The following FAM149B1 variants were observed in gnomAD, a reference collection of about 807,000 sequenced individuals.
The protein encoded by FAM149B1 is family with sequence similarity 149 member B1.
Under a neutral mutation model 75.3 loss-of-function variants are expected in FAM149B1, and 56 were observed. That is an observed-to-expected ratio of 0.74 (90% CI 0.60 to 0.93). The LOEUF (loss-of-function observed/expected upper bound fraction) is 0.93. Ranked by LOEUF, FAM149B1 falls within the 40% of genes least tolerant of loss-of-function variation. The pLI is 0.00. For missense variants in FAM149B1, 639 were observed against 708.4 expected (o/e 0.90, Z 1.11); for synonymous variants, 259 against 256.1 (o/e 1.01, Z -0.11).
intron 5 of FAM149B1, among the ~76,000 whole-genome samples, chr10:73,202,826 G>T (rs2042971564): frequency 6.6e-6 from 1 of 151,996 alleles, no homozygotes; most frequent in African/African-American, 2.4e-5. Flanking sequence ...GAGTAGCTGG[G>T]ACTACTGGTG....
chr10:73,176,673 C>G (rs2133302034), intron 2 of FAM149B1, among the ~76,000 whole-genome samples: 1 of 152,028 alleles, frequency 6.6e-6, no homozygotes, highest in Non-Finnish European at 1.5e-5. Flanking sequence ...ATCACTTGAG[C>G]TCAGGAGTTC....
rs3736519 is a variant in FAM149B1 at position 73,208,806 on chromosome 10, A to C, written c.710+20A>C. Reference sequence around the variant, plus strand: ...AGATATGTGAGTATTATGCCTTTTAAGCTTTTTACTCCCCTCTTATTTTGT... The same window carrying C: ...AGATATGTGAGTATTATGCCTTTTACGCTTTTTACTCCCCTCTTATTTTGT... On this transcript the variant is annotated intron_variant, in intron 6 of 13. Transcript: ENST00000242505. 101,035 of 1,394,882 alleles carry C rather than the reference A, an allele frequency of 0.072. 5,560 individuals carry two copies. Among genetic ancestry groups the C allele is most frequent in the East Asian group, 0.29 (10,721 of 37,336 alleles). The allele number at this position is 1,394,882 out of a possible 1,614,324, so 86.4% of individuals were successfully genotyped here. A position where few individuals can be genotyped will look rare whatever the true frequency, so the allele number is the denominator to read the frequency against.
In FAM149B1 at chr10:73,177,959, T is replaced by C; in HGVS notation, c.266T>C (p.Phe89Ser). 2 of 1,550,882 alleles carry C rather than the reference T, an allele frequency of 1.3e-6. No homozygotes were observed. Among genetic ancestry groups the C allele is most frequent in the Non-Finnish European group, 1.7e-6 (2 of 1,146,766 alleles). ...ATATCTACTGAAGGAAGCTCGGACT[T>C]CTCCTGGGGATATGGTGTGAGTTAT... Reference protein sequence around the residue: ...AGISTEGSSDFSWGYGELDQN... With the variant: ...AGISTEGSSDSSWGYGELDQN... The change falls in exon 3 of 14, where the codon TTC (phenylalanine) becomes TCC (serine). Residue 89 changes from phenylalanine to serine, a missense_variant. By Grantham distance (155) the Phe-to-Ser change is radical (BLOSUM62 -2). Transcript: ENST00000242505.
intron 1 of FAM149B1, among the ~76,000 whole-genome samples, chr10:73,169,865 A>G (rs1843632197): frequency 6.6e-6 from 1 of 150,488 alleles, no homozygotes; most frequent in South Asian, 2.1e-4. Context: ...TATATAGCCA[A>G]AAAGTCAGGA....
intron 5 of FAM149B1, among the ~76,000 whole-genome samples, chr10:73,202,219 C>G (rs578102238): frequency 6.6e-6 from 1 of 152,156 alleles, no homozygotes; most frequent in African/African-American, 2.4e-5. Flanking sequence ...GTGTAGAATA[C>G]TATCTTATTT....
At chr10:73,238,613 A>G (rs905980912) in intron 12 of FAM149B1, among the ~76,000 whole-genome samples, 4 of 152,228 alleles carry the variant, frequency 2.6e-5, no homozygotes, top group African/African-American at 2.4e-5. Flanking sequence ...GCCTAATATA[A>G]TAACTATCTG....
intron 8 of FAM149B1, among the ~76,000 whole-genome samples, chr10:73,228,389 A>G (rs1334699868): frequency 6.6e-6 from 1 of 152,232 alleles, no homozygotes; most frequent in Non-Finnish European, 1.5e-5. Flanking sequence ...TTTCTCAGTC[A>G]GCTCTTCTAA....
intron 3 of FAM149B1, among the ~76,000 whole-genome samples, chr10:73,179,862 A>C (rs1682315849): frequency 6.6e-6 from 1 of 152,030 alleles, no homozygotes; most frequent in African/African-American, 2.4e-5. Flanking sequence ...ACTACTCCAC[A>C]CTGGTCAATC....
intron 3 of FAM149B1, among the ~76,000 whole-genome samples, chr10:73,184,443 A>G (rs1265846528): frequency 6.6e-6 from 1 of 152,172 alleles, no homozygotes; most frequent in Non-Finnish European, 1.5e-5. Context: ...CAGCAAGGAT[A>G]TTAAACACCT....
chr10:73,169,969 C>A (rs1843638082), intron 1 of FAM149B1, among the ~76,000 whole-genome samples: 1 of 151,444 alleles, frequency 6.6e-6, no homozygotes, highest in African/African-American at 2.4e-5. Flanking sequence ...TAAATATTAA[C>A]TTTTCCTTTC....
intron 10 of FAM149B1, chr10:73,234,543 T>G (rs745309482): frequency 1.1e-5 from 4 of 372,098 alleles, no homozygotes; most frequent in Non-Finnish European, 9.9e-6. Flanking sequence ...CAATACCAGA[T>G]AGGGACAAAT....
chr10:73,230,070 T>C (rs929053927), intron 8 of FAM149B1, among the ~76,000 whole-genome samples: 6 of 152,192 alleles, frequency 3.9e-5, no homozygotes, highest in African/African-American at 1.4e-4. Flanking sequence ...TTCCCCTTAC[T>C]ATTTTCTATT....
At position 73,218,090 on chromosome 10, in the gene FAM149B1, A is replaced by AT. The variant is rs1186700588; in HGVS notation, c.898+7653dup. On this transcript the variant is annotated intron_variant, in intron 7 of 13. Coordinates refer to ENST00000242505, the MANE Select transcript of FAM149B1 (RefSeq NM_173348.2). The stretch of plus-strand genomic sequence containing the variant: ...GTTGTCTGACCCCAACACACCCAAC[A>AT]TACAAGAGTGGGACAGGCAAAGGAT... Among the ~76,000 whole-genome samples, 89 of 152,324 alleles carry AT rather than the reference A, an allele frequency of 5.8e-4. 1 individual carries two copies. The highest frequency in any genetic ancestry group is 6.2e-4 in the South Asian group (3 of 4,826).
At chr10:73,213,221 T>C (rs2043227135) in intron 7 of FAM149B1, among the ~76,000 whole-genome samples, 2 of 152,246 alleles carry the variant, frequency 1.3e-5, no homozygotes, top group African/African-American at 4.8e-5. Context: ...TTGTAGATTC[T>C]GGATATTAGT....
chr10:73,197,568 G>A (rs2042835979), intron 5 of FAM149B1, among the ~76,000 whole-genome samples: 1 of 151,978 alleles, frequency 6.6e-6, no homozygotes, highest in Admixed American at 6.6e-5. Context: ...TCAGGAGTTT[G>A]AGACCAGCCT....
chr10:73,224,973 A>C (rs2043503307), intron 7 of FAM149B1, among the ~76,000 whole-genome samples: 1 of 152,232 alleles, frequency 6.6e-6, no homozygotes. Flanking sequence ...TCATAAGATT[A>C]TAATGGAGCT....
Position 73,244,438 on chromosome 10 carries a change from A to C in FAM149B1, c.*3419A>C, listed in dbSNP as rs1404463251. ...CTTCAGTCTGAGAGTTCAGGCTGCA[A>C]TAAGCTGTGATCATGCCTCTGCACT... is the stretch of plus-strand genomic sequence containing the variant. On this transcript the variant is annotated 3_prime_UTR_variant, in exon 14 of 14. Transcript: ENST00000242505. 6.6e-6 allele frequency: 1 copy of C among 152,420 alleles called. No individual in the cohort carries two copies. Among genetic ancestry groups the C allele is most frequent in the Admixed American group, 6.5e-5 (1 of 15,280 alleles). 9.4% of individuals were successfully genotyped at this position (152,420 alleles called of 1,614,324 possible). A position where few individuals can be genotyped will look rare whatever the true frequency, so the allele number is the denominator to read the frequency against.
At chr10:73,179,294 T>C (rs1231312750) in intron 3 of FAM149B1, among the ~76,000 whole-genome samples, 1 of 152,104 alleles carries the variant, frequency 6.6e-6, no homozygotes, top group Non-Finnish European at 1.5e-5. Context: ...TTTTTCAATC[T>C]GTATTTAATT....
intron 5 of FAM149B1, among the ~76,000 whole-genome samples, chr10:73,195,798 C>A (rs1344219679): frequency 1.3e-5 from 2 of 152,002 alleles, no homozygotes; most frequent in Non-Finnish European, 2.9e-5. Flanking sequence ...CAATAATTTT[C>A]TTTACTTACA....
Sources: allele counts gnomAD v4.1 joint callset (sites outside exome capture counted in the v4.1 genomes callset), GRCh38; gene constraint gnomAD v4.1.1; transcripts MANE v1.5; gene names NCBI Gene and HGNC (gene_info 2026-07-23, HGNC 2026-07-21).